Variants in TNS3 observed in about 807,000 individuals in gnomAD.
The protein encoded by TNS3 is tensin-3.
In TNS3, 45 loss-of-function variants were observed where a neutral mutation model predicts 140.9. That is an observed-to-expected ratio of 0.32 (90% CI 0.25 to 0.41). The LOEUF is 0.41. TNS3 is among the 10% of genes least tolerant of loss of function. The pLI is 1.00. For synonymous variants in TNS3, 815 were observed against 788.4 expected, an observed-to-expected ratio of 1.03 and a Z score of -0.56; for missense variants, 1,716 against 1,906.7, an observed-to-expected ratio of 0.90 and a Z score of 1.86.
At position 47,389,059 on chromosome 7, in the gene TNS3, A is replaced by G. The variant is rs796495770; in HGVS notation, c.1024+7741T>C. ...AAGAAGAAGAAGAAGAAGAAGAAGA[A>G]GAAGAAGAAGAAGAAGAAGAAGAAG... On this transcript the variant is annotated intron_variant, in intron 16 of 30. Coordinates refer to ENST00000311160, the MANE Select transcript of TNS3 (RefSeq NM_022748.12). 6.6e-3 allele frequency among the ~76,000 whole-genome samples: 250 copies of G among 38,098 alleles called. 39 individuals carry two copies. The highest frequency in any genetic ancestry group is 0.016 in the African/African-American group (159 of 9,954). The allele number at this position is 38,098 out of a possible 152,430, so 25.0% of individuals were successfully genotyped here.
chr7:47,576,537 C>T (rs954750966), intron 1 of TNS3, among the ~76,000 whole-genome samples: 9 of 152,206 alleles, frequency 5.9e-5, no homozygotes, highest in African/African-American at 2.2e-4. Flanking sequence ...AAGGGGTAGG[C>T]GCCCAGGGAC....
intron 2 of TNS3, 147 bp from the exon 3 acceptor site, chr7:47,507,091 T>C: frequency 5.7e-6 from 3 of 521,800 alleles, no homozygotes; most frequent in South Asian, 3.8e-5. Context: ...GATTTTTACA[T>C]ATGACACACG....
intron 25 of TNS3, 95 bp from the exon 26 acceptor site, chr7:47,293,000 G>T (rs1785798080): frequency 9.3e-7 from 1 of 1,078,788 alleles, no homozygotes; most frequent in Non-Finnish European, 1.4e-6. Flanking sequence ...GGATGCAAAG[G>T]CTGAGCCCTT....
At chr7:47,405,419 C>G in intron 13 of TNS3, 1 of 681,800 alleles carries the variant, frequency 1.5e-6, no homozygotes, top group Non-Finnish European at 2.7e-6. Context: ...TGAGTTACAA[C>G]CGCATATTTG....
In TNS3 at chr7:47,277,871, G is replaced by C. The variant is rs191696702; in HGVS notation, c.*205C>G. 3.5e-5 allele frequency: 24 copies of C among 689,036 alleles called. No homozygotes were observed. Among genetic ancestry groups the C allele is most frequent in the Non-Finnish European group, 5.7e-5 (22 of 385,290 alleles). 42.7% of individuals were successfully genotyped at this position (689,036 alleles called of 1,614,324 possible). On this transcript the variant is annotated 3_prime_UTR_variant, in exon 31 of 31. Transcript: ENST00000311160. ...AAAAAGCATGTGGCTACAGAGATGTGTCAGATAAGTCACTTTCAGGAAAGG... is the reference window on the plus strand; with the variant it reads ...AAAAAGCATGTGGCTACAGAGATGTCTCAGATAAGTCACTTTCAGGAAAGG...
intron 20 of TNS3, among the ~76,000 whole-genome samples, chr7:47,309,015 A>G (rs1423438795): frequency 6.6e-6 from 1 of 152,208 alleles, no homozygotes; most frequent in African/African-American, 2.4e-5. Context: ...CCCAACTCAG[A>G]GTCTCCCAGA....
At chr7:47,297,009 T>G (rs1015664789) in intron 24 of TNS3, 73 bp downstream of exon 24, 1 of 1,531,720 alleles carries the variant, frequency 6.5e-7, no homozygotes, top group Admixed American at 2.1e-5. Flanking sequence ...TTTTATTTTA[T>G]TAGCCTAAAA....
At chr7:47,447,068 A>ATGGGCCCCATGGGCCTCATGACC (rs570944606) in intron 4 of TNS3, among the ~76,000 whole-genome samples, 43,610 of 151,288 alleles carry the variant, frequency 0.29, 6,774 homozygotes, top group Non-Finnish European at 0.35. Flanking sequence ...CCATGGGCTC[A>ATGGGCCCCATGGGCCTCATGACC]ATGAGGTCAA....
chr7:47,513,708 G>A (rs1798683356), intron 2 of TNS3, among the ~76,000 whole-genome samples: 1 of 152,238 alleles, frequency 6.6e-6, no homozygotes. Flanking sequence ...CATGCAAGTA[G>A]GCTCCACCAA....
At position 47,369,286 on chromosome 7, in the gene TNS3, T is replaced by C. The variant is rs1584499610; in HGVS notation, c.1360A>G (p.Thr454Ala). 5 of 1,613,984 alleles carry C rather than the reference T, an allele frequency of 3.1e-6. No individual in the cohort carries two copies. The East Asian group carries it at 1.1e-4, about 36-fold the overall frequency. ...MTDARSKYSGTRHVVPAQVHV... is the reference protein window; with the variant it reads ...MTDARSKYSGARHVVPAQVHV... ...ACCTGGGCTGGCACCACGTGGCGGGTCCCACTGTACTTGCTTCGAGCATCA... is the reference window on the plus strand; with the variant it reads ...ACCTGGGCTGGCACCACGTGGCGGGCCCCACTGTACTTGCTTCGAGCATCA... Residue 454 changes from threonine to alanine, a missense_variant, in exon 17 of 31, where the codon ACC (threonine) becomes GCC (alanine). Physicochemically the swap from Thr to Ala is moderately conservative, Grantham distance 58. This residue lies in a region of TNS3 where 1,163 missense variants were observed against 1,182.1 expected (regional missense o/e 0.98). Transcript: ENST00000311160.
intron 11 of TNS3, 93 bp downstream of exon 11, chr7:47,415,001 G>A: frequency 1.1e-6 from 1 of 925,126 alleles, no homozygotes; most frequent in East Asian, 2.8e-5. Context: ...CCTCTCGGAA[G>A]GAAAGCCGAG....
At chr7:47,507,044 G>A (rs1210115227) in intron 2 of TNS3, 100 bp from the exon 3 acceptor site, 2 of 1,051,318 alleles carry the variant, frequency 1.9e-6, no homozygotes, top group East Asian at 1.2e-4. Flanking sequence ...TCTCTGGCTT[G>A]AAGATCCCAT....
chr7:47,563,209 C>A (rs565757848), intron 1 of TNS3, among the ~76,000 whole-genome samples: 1 of 152,356 alleles, frequency 6.6e-6, no homozygotes, highest in Admixed American at 6.5e-5. Flanking sequence ...ACCCCTCCTG[C>A]CTGGAGCCCC....
chr7:47,557,287 T>C, intron 1 of TNS3: 3 of 369,476 alleles, frequency 8.1e-6, no homozygotes, highest in South Asian at 4.0e-5. Flanking sequence ...CACAGCTTTG[T>C]CAGAGGCTTT....
Position 47,409,656 on chromosome 7 carries a change from A to ATTTTTTTTTTTT in TNS3, c.723+2070_723+2071insAAAAAAAAAAAA, listed in dbSNP as rs1314338489. On this transcript the variant is annotated intron_variant, in intron 13 of 30. Coordinates refer to ENST00000311160, the MANE Select transcript of TNS3 (RefSeq NM_022748.12). ...CATCGCCCCCAGCCTCTCTTGGCCTATTCTTTTTTTTTTACCTCTGAGACG... is the reference window on the plus strand; with the variant it reads ...CATCGCCCCCAGCCTCTCTTGGCCTATTTTTTTTTTTTTTCTTTTTTTTTTACCTCTGAGACG... Among the ~76,000 whole-genome samples, 1,045 of 149,990 alleles carry ATTTTTTTTTTTT rather than the reference A, an allele frequency of 7.0e-3. 14 individuals are homozygous for ATTTTTTTTTTTT. Among genetic ancestry groups the ATTTTTTTTTTTT allele is most frequent in the African/African-American group, 0.025 (1,005 of 39,778 alleles).
chr7:47,280,440 A>T, intron 28 of TNS3, 86 bp from the exon 29 acceptor site: 1 of 1,177,386 alleles, frequency 8.5e-7, no homozygotes. Flanking sequence ...TCTCCCATAC[A>T]TGAAGATTCT....
At chr7:47,285,445 A>T (rs1785365753) in intron 27 of TNS3, among the ~76,000 whole-genome samples, 1 of 152,024 alleles carries the variant, frequency 6.6e-6, no homozygotes, top group South Asian at 2.1e-4. Flanking sequence ...ACGAGATCTG[A>T]TGATTTTATA....
chr7:47,415,130 T>C lies in TNS3; in HGVS notation c.550A>G (p.Ile184Val), dbSNP rs901065354. The change falls in exon 11 of 31, where the codon ATC becomes GTC. Residue 184 changes from isoleucine to valine, a missense_variant. Ile to Val is a conservative substitution (Grantham distance 29). Transcript: ENST00000311160. ...NASPLFLHFV[I>V]LHGTPNFDTG... ...TCGAAGTTGGGGGTGCCGTGGAGGA[T>C]GACAAAATGCAGGAACAGGGGAGAG... is the stretch of plus-strand genomic sequence containing the variant. The C allele has an allele frequency of 2.5e-6, 4 of 1,612,006 alleles. No homozygotes were observed. The highest frequency in any genetic ancestry group is 1.1e-5 in the South Asian group (1 of 90,728).
chr7:47,343,909 A>G (rs1789164992), intron 20 of TNS3, among the ~76,000 whole-genome samples: 1 of 152,174 alleles, frequency 6.6e-6, no homozygotes, highest in Admixed American at 6.5e-5. Flanking sequence ...TTTACTATGG[A>G]GAAAGAGAGA....
Sources: allele counts gnomAD v4.1 joint callset (sites outside exome capture counted in the v4.1 genomes callset), GRCh38; gene constraint gnomAD v4.1.1; regional missense constraint gnomAD v4.1.1; transcripts MANE v1.5; gene names NCBI Gene and HGNC (gene_info 2026-07-23, HGNC 2026-07-21).